TSNARE1: variants seen among roughly 807,000 people sequenced by gnomAD.
TSNARE1 encodes t-SNARE domain-containing protein 1.
TSNARE1 carries 49 observed loss-of-function variants against 62.0 expected under a neutral mutation model. The ratio of observed to expected loss-of-function variants is 0.79; its 90% confidence interval spans 0.63 to 1.00. The LOEUF is 1.00. TSNARE1 is among the 50% of genes least tolerant of loss of function. The pLI, the probability that TSNARE1 is intolerant of heterozygous loss-of-function variation, is 0.00. For missense variants in TSNARE1, 755 were observed against 700.1 expected (o/e 1.08, Z -0.88); for synonymous variants, 328 against 294.4 (o/e 1.11, Z -1.17).
intron 11 of TSNARE1, chr8:142,275,108 A>G: frequency 1.0e-6 from 1 of 985,346 alleles, no homozygotes; most frequent in South Asian, 4.7e-5. Context: ...CAGTGCCCAC[A>G]CCAGGTGGGG....
rs1340265809 is a variant in TSNARE1 at position 142,319,524 on chromosome 8, C to T, written c.894-890G>A. Among the ~76,000 whole-genome samples, 1 of 152,116 alleles carries T rather than the reference C, an allele frequency of 6.6e-6. No individual in the cohort carries two copies. Among genetic ancestry groups the T allele is most frequent in the African/African-American group, 2.4e-5 (1 of 41,424 alleles). On this transcript the variant is annotated intron_variant, in intron 6 of 13. Transcript: ENST00000524325. The surrounding 1 kb of genome is among the most constrained non-coding windows in gnomAD (Gnocchi z 4.9). ...GAGCACCAGGGCAACGGTACCCCAG[C>T]CCGGCTGCAGGCACACACACCAAGT... is the stretch of plus-strand genomic sequence containing the variant.
At chr8:142,284,889 A>C (rs1280229526) in intron 10 of TSNARE1, among the ~76,000 whole-genome samples, 3 of 152,182 alleles carry the variant, frequency 2.0e-5, no homozygotes, top group African/African-American at 4.8e-5. Context: ...ACTGCAAGAG[A>C]GCAGAGAATG....
At chr8:142,290,792 G>A (rs571120117) in intron 10 of TSNARE1, among the ~76,000 whole-genome samples, 18 of 152,310 alleles carry the variant, frequency 1.2e-4, no homozygotes, top group African/African-American at 4.1e-4. Context: ...GGCCATCTCC[G>A]CATCCCATCC....
At chr8:142,327,321 T>C (rs1424519033) in intron 6 of TSNARE1, among the ~76,000 whole-genome samples, 2 of 150,716 alleles carry the variant, frequency 1.3e-5, no homozygotes, top group African/African-American at 4.9e-5. Flanking sequence ...GAGGGGGCGG[T>C]TCTATATCAG....
chr8:142,397,281 A>G lies in TSNARE1; in HGVS notation c.-40+5823T>C, dbSNP rs11996797. ...TCACAGGAGAGAGGCAGCTCCGCCTACCCTGGGGCTGCACTCCCTGACCTT... is the reference window on the plus strand; with the variant it reads ...TCACAGGAGAGAGGCAGCTCCGCCTGCCCTGGGGCTGCACTCCCTGACCTT... On this transcript the variant is annotated intron_variant, in intron 1 of 13. Coordinates refer to ENST00000524325, the MANE Select transcript of TSNARE1 (RefSeq NM_145003.5). 7.2e-3 allele frequency among the ~76,000 whole-genome samples: 816 copies of G among 113,800 alleles called. 14 individuals are homozygous for G. The highest frequency in any genetic ancestry group is 0.024 in the African/African-American group (715 of 29,464). 74.7% of individuals were successfully genotyped at this position (113,800 alleles called of 152,430 possible).
chr8:142,405,263 C>A (rs896085753), upstream of TSNARE1: 3 of 152,228 alleles, frequency 2.0e-5, no homozygotes, highest in African/African-American at 7.2e-5. Flanking sequence ...TCCCTTCCCT[C>A]ATCTCTGCCC....
At chr8:142,379,758 G>C (rs537316903) in intron 1 of TSNARE1, among the ~76,000 whole-genome samples, 6 of 152,208 alleles carry the variant, frequency 3.9e-5, no homozygotes, top group Non-Finnish European at 8.8e-5. Context: ...TTACGGGTGG[G>C]GCCAGGGCTG....
chr8:142,299,058 G>A (rs1825241981), intron 10 of TSNARE1, among the ~76,000 whole-genome samples: 1 of 152,254 alleles, frequency 6.6e-6, no homozygotes, highest in African/African-American at 2.4e-5. Context: ...CAGAGCTGGT[G>A]CCTTCCTCTC....
chr8:142,285,628 G>C (rs775397479), intron 10 of TSNARE1, among the ~76,000 whole-genome samples: 1 of 152,080 alleles, frequency 6.6e-6, no homozygotes, highest in East Asian at 1.9e-4. Context: ...GGGTGGGTGG[G>C]TTGGTCAATG....
intron 5 of TSNARE1, among the ~76,000 whole-genome samples, chr8:142,331,337 G>A (rs938504037): frequency 2.2e-4 from 34 of 152,330 alleles, no homozygotes; most frequent in African/African-American, 7.7e-4. Context: ...CCTGCTCTCA[G>A]TCTCAGTGAC....
chr8:142,402,510 G>C (rs571539609), intron 1 of TSNARE1, among the ~76,000 whole-genome samples: 1 of 152,206 alleles, frequency 6.6e-6, no homozygotes, highest in Non-Finnish European at 1.5e-5. Context: ...GAGTTTCTGC[G>C]GGGGCAGCAC....
chr8:142,283,170 G>A (rs1242988968), intron 11 of TSNARE1, among the ~76,000 whole-genome samples: 1 of 151,686 alleles, frequency 6.6e-6, no homozygotes, highest in Non-Finnish European at 1.5e-5. Context: ...TGGGGCCAGT[G>A]TCTGTCAATG....
intron 10 of TSNARE1, among the ~76,000 whole-genome samples, chr8:142,294,435 C>T (rs1307881459): frequency 6.6e-6 from 1 of 152,238 alleles, no homozygotes; most frequent in African/African-American, 2.4e-5. Context: ...CATTCCCAAC[C>T]ATCTGGCAGG....
intron 12 of TSNARE1, among the ~76,000 whole-genome samples, chr8:142,249,080 G>A (rs73364653): frequency 0.064 from 9,796 of 152,298 alleles, 405 homozygotes; most frequent in African/African-American, 0.11. Context: ...GGCAGACACC[G>A]GGCCCCCGCC....
intron 10 of TSNARE1, among the ~76,000 whole-genome samples, chr8:142,285,375 T>G (rs576293174): frequency 1.8e-4 from 17 of 95,874 alleles, no homozygotes; most frequent in Admixed American, 2.4e-4. Flanking sequence ...TGGGTAGATG[T>G]ATGGATGGGT....
intron 1 of TSNARE1, chr8:142,366,083 C>A (rs1271153192): frequency 3.0e-6 from 1 of 334,008 alleles, no homozygotes; most frequent in East Asian, 9.9e-5. Flanking sequence ...GTTGACCAGG[C>A]TGGAGTGCAG....
intron 11 of TSNARE1, among the ~76,000 whole-genome samples, chr8:142,282,716 G>T (rs1821806380): frequency 6.7e-6 from 1 of 149,698 alleles, no homozygotes; most frequent in African/African-American, 2.5e-5. Context: ...GTCTGTCAAT[G>T]AGCGGAGGGG....
At chr8:142,304,280 G>A (rs1339100052) in intron 9 of TSNARE1, among the ~76,000 whole-genome samples, 5 of 152,072 alleles carry the variant, frequency 3.3e-5, no homozygotes, top group African/African-American at 1.2e-4. Flanking sequence ...CAACCCCAAC[G>A]CCTCCTTCCT....
chr8:142,222,200 ACTCACTCATCCG>A (rs1816320529), intron 13 of TSNARE1, among the ~76,000 whole-genome samples: 1 of 85,466 alleles, frequency 1.2e-5, no homozygotes, highest in African/African-American at 5.0e-5. Flanking sequence ...TCATTCACTC[ACTCACTCATCCG>A]CTCATTCACT....
Sources: gnomAD v4.1 joint callset for allele counts (sites outside exome capture counted in the v4.1 genomes callset) on GRCh38, gnomAD v4.1.1 for gene constraint, Gnocchi (gnomAD v3.1) non-coding constraint, MANE v1.5 for transcripts, NCBI Gene and HGNC (gene_info 2026-07-23, HGNC 2026-07-21) for gene names.